Variants in MTOR observed in about 807,000 individuals in gnomAD.
MTOR encodes the protein serine/threonine-protein kinase mTOR.
A neutral mutation model predicts 319.8 loss-of-function variants in MTOR; 70 were observed. That is an observed-to-expected ratio of 0.22 (90% CI 0.18 to 0.27). The LOEUF is 0.27. Ranked by LOEUF, MTOR falls within the 10% of genes least tolerant of loss-of-function variation. The pLI is 1.00. For missense variants in MTOR, 1,890 were observed against 3,274.4 expected (o/e 0.58, Z 10.32); for synonymous variants, 1,183 against 1,211.4 (o/e 0.98, Z 0.49).
intron 28 of MTOR, among the ~76,000 whole-genome samples, chr1:11,190,498 CT>C (rs1252160854): frequency 3.9e-5 from 6 of 152,142 alleles, no homozygotes; most frequent in African/African-American, 1.4e-4. Context: ...TGAAGAGTCC[CT>C]TTGTGTTCAG....
chr1:11,127,173 G>A lies in MTOR; in HGVS notation c.6217-29C>T, dbSNP rs781168592. 1 of 1,612,628 alleles carries A rather than the reference G, an allele frequency of 6.2e-7. No individual in the cohort carries two copies. Among genetic ancestry groups the A allele is most frequent in the Non-Finnish European group, 8.5e-7 (1 of 1,179,692 alleles). ...AGAGAGAAAGCAGGCACGTTTTCAA[G>A]TTATCAAAGTCTCAACCAACCCAGG... On this transcript the variant is annotated intron_variant, in intron 44 of 57. Coordinates refer to ENST00000361445, the MANE Select transcript of MTOR (RefSeq NM_004958.4). This position sits in a 1 kb window ranked among gnomAD's most constrained non-coding sequence, Gnocchi z 5.5.
Position 11,121,216 on chromosome 1 carries a change from A to G in MTOR, c.6933+30T>C, listed in dbSNP as rs778763423. ...CTATTGCGAGTGGGGGTTCCAGGAG[A>G]GCGCAGGTCTGCAGGGCCCAGTGGC... On this transcript the variant is annotated intron_variant, in intron 49 of 57. Transcript: ENST00000361445. This position sits in a 1 kb window ranked among gnomAD's most constrained non-coding sequence, Gnocchi z 4.9. 6 of 1,610,692 alleles carry G rather than the reference A, an allele frequency of 3.7e-6. No homozygotes were observed. The South Asian group carries it at 5.5e-5, about 15-fold the overall frequency.
At chr1:11,208,663 G>A (rs1435636112) in intron 25 of MTOR, among the ~76,000 whole-genome samples, 5 of 152,180 alleles carry the variant, frequency 3.3e-5, no homozygotes, top group Non-Finnish European at 7.3e-5. Flanking sequence ...TATGATTATT[G>A]TGCTCTGATT....
At chr1:11,189,615 CT>C in intron 28 of MTOR, 1 of 1,613,666 alleles carries the variant, frequency 6.2e-7, no homozygotes, top group Non-Finnish European at 8.5e-7. Context: ...TGACCTGGCT[CT>C]GCATTTTCAT....
At position 11,159,098 on chromosome 1, in the gene MTOR, T is replaced by G. The variant is rs77619935; in HGVS notation, c.4330-1807A>C. On this transcript the variant is annotated intron_variant, in intron 29 of 57. Coordinates refer to ENST00000361445, the MANE Select transcript of MTOR (RefSeq NM_004958.4). ...AGGCTGGCATTCTGAGTATGGGGTA[T>G]AAACCATCTGCTGGCAGATCACCTG... 2.0e-5 allele frequency among the ~76,000 whole-genome samples: 3 copies of G among 152,314 alleles called. No homozygotes were observed. In the East Asian group the frequency reaches 5.8e-4, roughly 29 times the overall value.
intron 28 of MTOR, among the ~76,000 whole-genome samples, chr1:11,181,451 G>A (rs1304727956): frequency 1.3e-5 from 2 of 152,178 alleles, no homozygotes; most frequent in African/African-American, 4.8e-5. Flanking sequence ...CTTGAATCCA[G>A]GAGGCGGAGG....
rs371152826 is a variant in MTOR, at chr1:11,210,806, T to G, written c.3654+8A>C. The G allele has an allele frequency of 1.9e-6, 3 of 1,592,748 alleles. No individual in the cohort carries two copies. The highest frequency in any genetic ancestry group is 2.6e-6 in the Non-Finnish European group (3 of 1,162,702). ...GGGACTTCAGAACAGAAAAGAAGTA[T>G]AGTTCACCTTGACAATTCTGCAGAT... On this transcript the variant is annotated splice_region_variant and intron_variant, in intron 24 of 57. Coordinates refer to ENST00000361445, the MANE Select transcript of MTOR (RefSeq NM_004958.4).
intron 28 of MTOR, among the ~76,000 whole-genome samples, chr1:11,196,229 C>CT (rs1166806993): frequency 2.0e-5 from 3 of 152,194 alleles, no homozygotes; most frequent in Admixed American, 6.5e-5. Context: ...ACCCTCTATT[C>CT]TACTTAGGAT....
At chr1:11,156,270 G>T (rs1284424698) in intron 30 of MTOR, among the ~76,000 whole-genome samples, 1 of 152,226 alleles carries the variant, frequency 6.6e-6, no homozygotes, top group Non-Finnish European at 1.5e-5. Context: ...GATTACAGGT[G>T]TGAGCCACTG....
At chr1:11,194,076 G>A (rs949870172) in intron 28 of MTOR, among the ~76,000 whole-genome samples, 1 of 152,136 alleles carries the variant, frequency 6.6e-6, no homozygotes, top group Non-Finnish European at 1.5e-5. Context: ...CCGAGCATGA[G>A]GTCCTTTAGG....
intron 38 of MTOR, 126 bp from the exon 39 acceptor site, chr1:11,130,903 T>C (rs1184754083): frequency 2.4e-6 from 3 of 1,238,878 alleles, no homozygotes; most frequent in Non-Finnish European, 3.3e-6. Context: ...AAGCAAACAC[T>C]TCAAGGAGAC....
chr1:11,142,631 G>A (rs1042655653), intron 34 of MTOR, among the ~76,000 whole-genome samples: 1 of 152,122 alleles, frequency 6.6e-6, no homozygotes, highest in African/African-American at 2.4e-5. Flanking sequence ...TTGATAAGAA[G>A]TCAGACTCAG....
chr1:11,112,934 A>G lies in MTOR; in HGVS notation c.7301-17T>C, dbSNP rs1641970661. 6.2e-7 allele frequency: 1 copy of G among 1,612,632 alleles called. No individual in the cohort carries two copies. Among genetic ancestry groups the G allele is most frequent in the Non-Finnish European group, 8.5e-7 (1 of 1,179,270 alleles). On this transcript the variant is annotated splice_polypyrimidine_tract_variant and intron_variant, in intron 53 of 57. Transcript: ENST00000361445. ...TGGTATTTGCTAGGGAGAGAAATAA[A>G]GAGTATTGAAACATGCTTCAAATTT...
intron 35 of MTOR, 28 bp downstream of exon 35, chr1:11,139,504 GC>G (rs755044717): frequency 6.2e-7 from 1 of 1,614,156 alleles, no homozygotes; most frequent in South Asian, 1.1e-5. Context: ...GGCCCTACCT[GC>G]CCATGTGGGT....
At chr1:11,245,106 T>C (rs1035796283) in intron 8 of MTOR, among the ~76,000 whole-genome samples, 6 of 152,344 alleles carry the variant, frequency 3.9e-5, no homozygotes, top group East Asian at 1.9e-4. Context: ...TTATATTTAA[T>C]AGAAGAAGAT....
chr1:11,141,081 A>G (rs1322407201), intron 34 of MTOR, among the ~76,000 whole-genome samples: 1 of 151,470 alleles, frequency 6.6e-6, no homozygotes, highest in East Asian at 1.9e-4. Context: ...AAGTATACAC[A>G]GAAGGGGAAA....
At chr1:11,261,215 G>A (rs995454264) in intron 1 of MTOR, among the ~76,000 whole-genome samples, 16 of 151,592 alleles carry the variant, frequency 1.1e-4, no homozygotes, top group Admixed American at 1.1e-3. Context: ...TTAGTTCCTG[G>A]CCGGGTTTGG....
At chr1:11,254,948 A>G (rs1650168810) in intron 5 of MTOR, among the ~76,000 whole-genome samples, 1 of 151,796 alleles carries the variant, frequency 6.6e-6, no homozygotes, top group Admixed American at 6.6e-5. Flanking sequence ...TATTTTTTGT[A>G]GAGACGGGAT....
chr1:11,207,376 C>T (rs1253296500), intron 25 of MTOR, among the ~76,000 whole-genome samples: 2 of 150,816 alleles, frequency 1.3e-5, no homozygotes, highest in Non-Finnish European at 3.0e-5. Flanking sequence ...GTTGGAATTA[C>T]AGGCATGAGC....
Sources: gnomAD v4.1 joint callset for allele counts (sites outside exome capture counted in the v4.1 genomes callset) on GRCh38, gnomAD v4.1.1 for gene constraint, Gnocchi (gnomAD v3.1) non-coding constraint, MANE v1.5 for transcripts, NCBI Gene and HGNC (gene_info 2026-07-23, HGNC 2026-07-21) for gene names.